ZFY: variants seen among roughly 807,000 people sequenced by gnomAD.
ZFY encodes the protein zinc finger protein Y-linked, also known as zinc finger Y-chromosomal protein.
For synonymous variants in ZFY, 47 were observed against 55.8 expected (o/e 0.84, Z 0.71); for missense variants, 113 against 170.9 (o/e 0.66, Z 1.89).
Position 2,980,279 on chromosome Y carries a change from A to G in ZFY, c.*286A>G. 2 of 93,697 alleles carry G rather than the reference A, an allele frequency of 2.1e-5. No homozygotes were observed. The highest frequency in any genetic ancestry group is 4.2e-5 in the Non-Finnish European group (2 of 47,451). The allele number at this position is 93,697 out of a possible 400,897, so 23.4% of individuals were successfully genotyped here. ...CATAAAAGCTTTACTATTTATTTAC[A>G]TATTTATTCATGTTCATGGTACTCT... On this transcript the variant is annotated 3_prime_UTR_variant, in exon 8 of 8. Transcript: ENST00000155093.
chrY:2,967,604 A>G (rs2051333135), intron 3 of ZFY, among the ~76,000 whole-genome samples: 1 of 27,405 alleles, frequency 3.6e-5, no homozygotes, highest in Non-Finnish European at 8.6e-5. Flanking sequence ...TTGCTCCATC[A>G]CCCAGGCTGG....
intron 5 of ZFY, among the ~76,000 whole-genome samples, chrY:2,975,932 C>T (rs959212819): frequency 2.2e-4 from 7 of 32,022 alleles, no homozygotes; most frequent in African/African-American, 8.6e-4. Flanking sequence ...GAACATGTGA[C>T]GTTTGGTTTT....
At chrY:2,938,983 T>TTA (rs765202788) in intron 1 of ZFY, among the ~76,000 whole-genome samples, 106 of 5,192 alleles carry the variant, frequency 0.02, no homozygotes, top group East Asian at 0.041. Flanking sequence ...CATACAGTGC[T>TTA]TATATATATA....
chrY:2,951,317 T>TGTAG (rs2051277749), intron 1 of ZFY, among the ~76,000 whole-genome samples: 1 of 33,557 alleles, frequency 3.0e-5, no homozygotes, highest in Non-Finnish European at 7.4e-5. Context: ...GGCTACAGAT[T>TGTAG]GTAGGAATGC....
At chrY:2,971,886 A>G (rs2051348679) in intron 3 of ZFY, among the ~76,000 whole-genome samples, 1 of 31,212 alleles carries the variant, frequency 3.2e-5, no homozygotes. Context: ...CCTGGCTAAT[A>G]TGGCAAAACC....
chrY:2,973,317 G>A (rs2051354274), intron 3 of ZFY, among the ~76,000 whole-genome samples: 1 of 32,872 alleles, frequency 3.0e-5, no homozygotes, highest in African/African-American at 1.2e-4. Flanking sequence ...CAAAGCCCTG[G>A]GATTACAGGT....
intron 1 of ZFY, among the ~76,000 whole-genome samples, chrY:2,947,415 A>G: frequency 3.0e-5 from 1 of 33,746 alleles, no homozygotes; most frequent in Non-Finnish European, 7.4e-5. Flanking sequence ...TCAGTTTTCT[A>G]AGAGCTGTTG....
intron 3 of ZFY, among the ~76,000 whole-genome samples, chrY:2,969,055 G>GT (rs2051339739): frequency 2.9e-5 from 1 of 34,020 alleles, no homozygotes; most frequent in African/African-American, 1.1e-4. Flanking sequence ...ATTAATCTTA[G>GT]TAGAGAGGAC....
At position 2,961,351 on chromosome Y, in the gene ZFY, C is replaced by T; in HGVS notation, c.339C>T (p.Cys113=). 7.5e-6 allele frequency: 3 copies of T among 399,479 alleles called. No individual in the cohort carries two copies. The highest frequency in any genetic ancestry group is 1.1e-5 in the Non-Finnish European group (3 of 283,827). Residue 113 remains cysteine (C), a synonymous_variant, in exon 3 of 8, where the codon TGC becomes TGT. Coordinates refer to ENST00000155093, the MANE Select transcript of ZFY (RefSeq NM_003411.4). ...CTGAAGAAGTTTCTTTACCACACTG[C>T]ACAGTCCCAGATGATGTTTTAGCTT... is the stretch of plus-strand genomic sequence containing the variant. ...DVTEEVSLPH[C]TVPDDVLASD...
intron 1 of ZFY, among the ~76,000 whole-genome samples, chrY:2,952,628 A>G: frequency 2.9e-5 from 1 of 34,567 alleles, no homozygotes. Context: ...TTGGTTTCTC[A>G]CTTGCATATT....
chrY:2,975,325 CT>C, intron 4 of ZFY, 81 bp downstream of exon 4: 1 of 335,278 alleles, frequency 3.0e-6, no homozygotes, highest in Non-Finnish European at 4.2e-6. Context: ...AAACAGGTTA[CT>C]TTTTTTCATT....
intron 3 of ZFY, among the ~76,000 whole-genome samples, chrY:2,969,766 A>G: frequency 9.1e-5 from 3 of 33,133 alleles, no homozygotes; most frequent in Admixed American, 2.8e-4. Flanking sequence ...CCAGCCAAGT[A>G]TTATGAAATC....
At chrY:2,976,272 G>A in intron 5 of ZFY, among the ~76,000 whole-genome samples, 1 of 31,258 alleles carries the variant, frequency 3.2e-5, no homozygotes, top group Non-Finnish European at 7.7e-5. Flanking sequence ...ACCACACCCA[G>A]CTAATTTTTG....
At position 2,961,207 on chromosome Y, in the gene ZFY, C is replaced by A; in HGVS notation, c.195C>A (p.Ile65=). ...CTGATGACCCAGACTCAGTTGTAAT[C>A]CAAGATGTTGTTGAAGATGTTGTCA... ...FVPDDPDSVV[I]QDVVEDVVIE... is the part of the protein sequence containing the mutation. The change falls in exon 3 of 8, where the codon ATC becomes ATA. Residue 65 remains isoleucine (I), a synonymous_variant. Coordinates refer to ENST00000155093, the MANE Select transcript of ZFY (RefSeq NM_003411.4). 2.5e-6 allele frequency: 1 copy of A among 398,611 alleles called. No individual in the cohort carries two copies. The highest frequency in any genetic ancestry group is 7.4e-5 in the Admixed American group (1 of 13,464).
intron 3 of ZFY, among the ~76,000 whole-genome samples, chrY:2,973,928 A>G (rs966940126): frequency 3.1e-5 from 1 of 31,760 alleles, no homozygotes; most frequent in African/African-American, 1.2e-4. Context: ...CACTGTTGGA[A>G]ATCATATGTT....
At chrY:2,977,780 CAAAAAAAAA>C in intron 6 of ZFY, 151 bp from the exon 7 acceptor site, 1 of 11,904 alleles carries the variant, frequency 8.4e-5, no homozygotes. Flanking sequence ...GACTCTGTCT[CAAAAAAAAA>C]AAAAAAAAAA....
At position 2,980,669 on chromosome Y, in the gene ZFY, T is replaced by G; in HGVS notation, c.*676T>G. 1 of 34,305 alleles carries G rather than the reference T, an allele frequency of 2.9e-5. No homozygotes were observed. Among genetic ancestry groups the G allele is most frequent in the Admixed American group, 2.7e-4 (1 of 3,730 alleles). 8.6% of individuals were successfully genotyped at this position (34,305 alleles called of 400,897 possible). Reference sequence around the variant, plus strand: ...TTATTTTTATCTTCTGTTTTCTCTTTGTACTGCTTTGTCTTGCATTGTGTT... The same window carrying G: ...TTATTTTTATCTTCTGTTTTCTCTTGGTACTGCTTTGTCTTGCATTGTGTT... On this transcript the variant is annotated 3_prime_UTR_variant, in exon 8 of 8. Coordinates refer to ENST00000155093, the MANE Select transcript of ZFY (RefSeq NM_003411.4).
intron 5 of ZFY, among the ~76,000 whole-genome samples, chrY:2,976,409 C>T: frequency 3.1e-5 from 1 of 31,933 alleles, no homozygotes; most frequent in Non-Finnish European, 7.7e-5. Context: ...GTGCCCTGCC[C>T]AAGCTGTCGT....
At chrY:2,949,962 T>C (rs574364277) in intron 1 of ZFY, among the ~76,000 whole-genome samples, 11 of 33,255 alleles carry the variant, frequency 3.3e-4, no homozygotes, top group African/African-American at 8.2e-4. Flanking sequence ...ATTTCTCCTT[T>C]TTTGGTTTAC....
Sources: allele counts gnomAD v4.1 joint callset (sites outside exome capture counted in the v4.1 genomes callset), GRCh38; gene constraint gnomAD v4.1.1; transcripts MANE v1.5; gene names NCBI Gene and HGNC (gene_info 2026-07-23, HGNC 2026-07-21).